Variants in FAAH2 observed in about 807,000 individuals in gnomAD.
FAAH2 encodes fatty acid amide hydrolase 2, also known as fatty-acid amide hydrolase 2.
A neutral mutation model predicts 36.9 loss-of-function variants in FAAH2; 60 were observed. The observed-to-expected ratio is 1.63, with a 90% CI of 1.32 to 2.02. The LOEUF is 2.02. Among genes scored for constraint, FAAH2 ranks in the 30% most tolerant of loss-of-function variants. The probability of loss-of-function intolerance (pLI) is 0.00; values close to 1 mark genes in which losing one functional copy is unlikely to be tolerated. For synonymous variants in FAAH2, 214 were observed against 143.8 expected, an observed-to-expected ratio of 1.49 and a Z score of -3.49; for missense variants, 689 against 397.5, an observed-to-expected ratio of 1.73 and a Z score of -6.23.
the FAAH2 span, among the ~76,000 whole-genome samples, chrX:57,216,614 ATATATATACG>A: frequency 9.1e-4 from 4 of 4,376 alleles, no homozygotes; most frequent in South Asian, 0.06. Context: ...ATATACGTAT[ATATATATACG>A]TATATATATA....
chrX:57,430,256 G>A (rs1260784276), intron 7 of FAAH2, among the ~76,000 whole-genome samples: 2 of 111,922 alleles, frequency 1.8e-5, no homozygotes, highest in African/African-American at 6.5e-5. Flanking sequence ...AGACTATAGT[G>A]TCATTTTAGG....
the FAAH2 span, among the ~76,000 whole-genome samples, chrX:57,157,630 T>G: frequency 9.0e-6 from 1 of 111,247 alleles, no homozygotes; most frequent in Non-Finnish European, 1.9e-5. Context: ...GTCCTTTCTA[T>G]CCTCTTGAAT....
At chrX:57,418,123 C>A (rs1325575299) in intron 7 of FAAH2, among the ~76,000 whole-genome samples, 1 of 111,847 alleles carries the variant, frequency 8.9e-6, no homozygotes, top group East Asian at 2.8e-4. Flanking sequence ...CTGCTGTACT[C>A]ACAGTGAGAA....
At chrX:57,170,697 A>ATG in the FAAH2 span, among the ~76,000 whole-genome samples, 2,161 of 100,050 alleles carry the variant, frequency 0.022, 38 homozygotes, top group African/African-American at 0.051. Flanking sequence ...TATTTACTTT[A>ATG]TGTGTGTGTG....
the FAAH2 span, among the ~76,000 whole-genome samples, chrX:57,273,287 C>T: frequency 4.5e-5 from 5 of 111,122 alleles, no homozygotes; most frequent in Non-Finnish European, 9.4e-5. Flanking sequence ...CCTAGAAAGA[C>T]TTAGACTCCC....
rs758588212 is a variant in FAAH2 at position 57,308,653 on chromosome X, A to C, written c.276-1940A>C. Among the ~76,000 whole-genome samples, 16 of 111,830 alleles carry C rather than the reference A, an allele frequency of 1.4e-4. No individual in the cohort carries two copies. In the South Asian group the frequency reaches 5.9e-3, roughly 41 times the overall value. On this transcript the variant is annotated intron_variant, in intron 2 of 10. Coordinates refer to ENST00000374900, the MANE Select transcript of FAAH2 (RefSeq NM_174912.4). ...TTTAAAGTACTGCCCAATACCTGAA[A>C]TATATCATTAATTGTTAAATATCAT...
the FAAH2 span, among the ~76,000 whole-genome samples, chrX:57,200,379 CT>C: frequency 0.31 from 25,482 of 81,684 alleles, 4,017 homozygotes; most frequent in African/African-American, 0.62. Flanking sequence ...CATACTTTCA[CT>C]TTTTTTTTTT....
At chrX:57,358,909 C>A (rs28801084) in intron 5 of FAAH2, among the ~76,000 whole-genome samples, 1 of 110,853 alleles carries the variant, frequency 9.0e-6, no homozygotes, top group Non-Finnish European at 1.9e-5. Context: ...TTTGTGGGTA[C>A]ATAGTAGGTG....
intron 5 of FAAH2, among the ~76,000 whole-genome samples, chrX:57,353,323 G>A (rs2054074015): frequency 9.2e-6 from 1 of 108,735 alleles, no homozygotes; most frequent in Non-Finnish European, 1.9e-5. Flanking sequence ...CTTTGACAAA[G>A]GCAGCAATAA....
the FAAH2 span, among the ~76,000 whole-genome samples, chrX:57,172,481 G>T: frequency 9.0e-6 from 1 of 111,199 alleles, no homozygotes; most frequent in Non-Finnish European, 1.9e-5. Flanking sequence ...GTGTGCTATC[G>T]TGTGCTCTTT....
chrX:57,208,292 C>T, the FAAH2 span, among the ~76,000 whole-genome samples: 1 of 112,282 alleles, frequency 8.9e-6, no homozygotes, highest in East Asian at 2.8e-4. Context: ...AACAAACCTG[C>T]TCTGTCATCT....
the FAAH2 span, among the ~76,000 whole-genome samples, chrX:57,175,416 A>G: frequency 8.9e-6 from 1 of 111,746 alleles, no homozygotes; most frequent in East Asian, 2.8e-4. Context: ...TCATTTACAT[A>G]TGGTATATTT....
the FAAH2 span, among the ~76,000 whole-genome samples, chrX:57,130,924 A>T: frequency 0.13 from 14,776 of 111,727 alleles, 2,026 homozygotes; most frequent in African/African-American, 0.42. Context: ...GCATAAAATT[A>T]AAAAATTCCA....
At chrX:57,307,770 A>T (rs561331793) in intron 2 of FAAH2, among the ~76,000 whole-genome samples, 1 of 111,041 alleles carries the variant, frequency 9.0e-6, no homozygotes, top group South Asian at 3.9e-4. Context: ...ACAGTTTTTC[A>T]AAACTTTCCC....
chrX:57,432,599 C>A (rs960531104), intron 8 of FAAH2, among the ~76,000 whole-genome samples: 9 of 111,464 alleles, frequency 8.1e-5, no homozygotes, highest in African/African-American at 2.9e-4. Flanking sequence ...GATACAGGTA[C>A]TTGTGAAAGA....
intron 3 of FAAH2, among the ~76,000 whole-genome samples, chrX:57,320,281 G>C (rs941395595): frequency 2.7e-5 from 3 of 111,609 alleles, no homozygotes; most frequent in African/African-American, 9.8e-5. Context: ...CTGACAAAGG[G>C]TAATATCCAG....
chrX:57,401,747 A>G (rs756232663), intron 7 of FAAH2, among the ~76,000 whole-genome samples: 8 of 111,286 alleles, frequency 7.2e-5, no homozygotes, highest in Non-Finnish European at 1.5e-4. Context: ...TTGCTCATCC[A>G]TAGTGTCCTT....
At chrX:57,187,396 A>G in the FAAH2 span, among the ~76,000 whole-genome samples, 49,575 of 109,164 alleles carry the variant, frequency 0.45, 11,423 homozygotes, top group African/African-American at 0.89. Flanking sequence ...GAATGCTTGT[A>G]ATTTTTGCAC....
chrX:57,362,848 C>T (rs1467228730), intron 5 of FAAH2, among the ~76,000 whole-genome samples: 1 of 111,760 alleles, frequency 8.9e-6, no homozygotes, highest in Non-Finnish European at 1.9e-5. Context: ...TTCCCCATTG[C>T]TTGTTATTGT....
Sources: allele counts gnomAD v4.1 joint callset (sites outside exome capture counted in the v4.1 genomes callset), GRCh38; gene constraint gnomAD v4.1.1; transcripts MANE v1.5; gene names NCBI Gene and HGNC (gene_info 2026-07-23, HGNC 2026-07-21).